Variants in KLC1 observed in about 807,000 individuals in gnomAD.
KLC1 encodes the protein kinesin 2 60/70kDa.
In KLC1, 30 loss-of-function variants were observed where a neutral mutation model predicts 84.2. The observed-to-expected ratio is 0.36, with a 90% CI of 0.27 to 0.48. KLC1 has a LOEUF of 0.48. KLC1 is among the 20% of genes least tolerant of loss of function. The probability of loss-of-function intolerance (pLI) is 0.99; values close to 1 mark genes in which losing one functional copy is unlikely to be tolerated. For missense variants in KLC1, 499 were observed against 805.4 expected (o/e 0.62, Z 4.60); for synonymous variants, 289 against 293.3 (o/e 0.99, Z 0.15).
chr14:103,637,176 T>A (rs905014531), intron 1 of KLC1, among the ~76,000 whole-genome samples: 2 of 152,162 alleles, frequency 1.3e-5, no homozygotes. Flanking sequence ...TATTTTTTGG[T>A]AGTGCCTTTT....
chr14:103,648,968 C>A lies in KLC1; in HGVS notation c.-1-5596C>A, dbSNP rs1008418073. On this transcript the variant is annotated intron_variant, in intron 1 of 16. Transcript: ENST00000334553. ...CCTGGGCAACATGGCGAAACTGTGT[C>A]TCTACTAAAAATACAAAAGTTAGCT... Among the ~76,000 whole-genome samples the A allele has an allele frequency of 2.6e-5, 4 of 152,008 alleles. No individual in the cohort carries two copies. In the South Asian group the frequency reaches 6.2e-4, roughly 24 times the overall value.
At chr14:103,657,000 A>G (rs565440818) in intron 2 of KLC1, among the ~76,000 whole-genome samples, 2 of 152,240 alleles carry the variant, frequency 1.3e-5, no homozygotes, top group East Asian at 1.9e-4. Context: ...CCTGGATTTT[A>G]TGACATAAAC....
At position 103,694,604 on chromosome 14, in the gene KLC1, C is replaced by A; in HGVS notation, c.1848+2179C>A. Reference sequence around the variant, plus strand: ...CATACAAAACAGACGCCGAGGTGATCAGTGATTCCAAAGGCTGACGCTCAG... The same window carrying A: ...CATACAAAACAGACGCCGAGGTGATAAGTGATTCCAAAGGCTGACGCTCAG... On this transcript the variant is annotated intron_variant, in intron 15 of 16. Coordinates refer to ENST00000334553, the MANE Select transcript of KLC1 (RefSeq NM_001394837.1). This position sits in a 1 kb window ranked among gnomAD's most constrained non-coding sequence, Gnocchi z 4.5. 2 of 985,472 alleles carry A rather than the reference C, an allele frequency of 2.0e-6. No individual in the cohort carries two copies. The highest frequency in any genetic ancestry group is 2.4e-6 in the Non-Finnish European group (2 of 829,946). 61.0% of individuals were successfully genotyped at this position (985,472 alleles called of 1,614,324 possible).
intron 15 of KLC1, chr14:103,695,457 G>A (rs1274339699): frequency 2.5e-5 from 25 of 984,488 alleles, no homozygotes; most frequent in South Asian, 1.4e-4. Context: ...GACAGGTGCC[G>A]TGGCTGCCCC....
At chr14:103,638,375 T>C (rs551260227) in intron 1 of KLC1, among the ~76,000 whole-genome samples, 18 of 152,206 alleles carry the variant, frequency 1.2e-4, no homozygotes, top group Non-Finnish European at 2.6e-4. Context: ...CTTTTTCTCT[T>C]TTAGAAAATT....
chr14:103,659,979 C>CTA (rs1014105498), intron 3 of KLC1, among the ~76,000 whole-genome samples: 6 of 152,136 alleles, frequency 3.9e-5, no homozygotes, highest in African/African-American at 1.4e-4. Context: ...GGCACTAATC[C>CTA]CATCATGAGG....
At chr14:103,642,389 C>G (rs781011001) in intron 1 of KLC1, among the ~76,000 whole-genome samples, 2 of 152,132 alleles carry the variant, frequency 1.3e-5, no homozygotes, top group African/African-American at 4.8e-5. Flanking sequence ...TTGCAATAAC[C>G]TTGATAGTTT....
At chr14:103,664,055 T>C (rs1197941803) in intron 5 of KLC1, among the ~76,000 whole-genome samples, 1 of 152,198 alleles carries the variant, frequency 6.6e-6, no homozygotes, top group Non-Finnish European at 1.5e-5. Flanking sequence ...TGTCAGCAGC[T>C]TGGTCTGCCC....
chr14:103,636,815 C>T (rs988883577), intron 1 of KLC1, among the ~76,000 whole-genome samples: 22 of 152,138 alleles, frequency 1.4e-4, no homozygotes, highest in African/African-American at 5.1e-4. Context: ...CTCTGCCTCC[C>T]GGGTTCACGC....
chr14:103,633,026 C>T (rs560932847), intron 1 of KLC1, among the ~76,000 whole-genome samples: 12 of 151,276 alleles, frequency 7.9e-5, no homozygotes, highest in African/African-American at 2.4e-4. Flanking sequence ...TAGAAGTCTG[C>T]TTTCATTCTG....
Position 103,658,763 on chromosome 14 carries a change from T to G in KLC1, c.492+987T>G, listed in dbSNP as rs2079034837. On this transcript the variant is annotated intron_variant, in intron 3 of 16. Transcript: ENST00000334553. ...ACCTCCACCTCCCGGGCTCCAGCGA[T>G]TCTCCTGCCTCAGCCTCCCGAGTAG... Among the ~76,000 whole-genome samples the G allele has an allele frequency of 2.0e-5, 3 of 149,918 alleles. No homozygotes were observed. The Admixed American group carries it at 2.0e-4, about 10-fold the overall frequency.
intron 1 of KLC1, among the ~76,000 whole-genome samples, chr14:103,649,982 A>T (rs916465770): frequency 6.6e-6 from 1 of 152,182 alleles, no homozygotes; most frequent in African/African-American, 2.4e-5. Flanking sequence ...GGCGTGAGCC[A>T]CCGTGCCCGG....
At chr14:103,631,140 G>A (rs912311946) in intron 1 of KLC1, among the ~76,000 whole-genome samples, 1 of 151,838 alleles carries the variant, frequency 6.6e-6, no homozygotes, top group East Asian at 1.9e-4. Flanking sequence ...GAGTGTAGTG[G>A]CGCGATCTCG....
intron 5 of KLC1, among the ~76,000 whole-genome samples, chr14:103,663,264 T>A (rs1171120225): frequency 6.6e-6 from 1 of 151,944 alleles, no homozygotes; most frequent in Admixed American, 6.6e-5. Context: ...GTATTTTTAG[T>A]AAAGACGGGG....
Position 103,657,717 on chromosome 14 carries a change from A to G in KLC1, c.433A>G (p.Lys145Glu). Residue 145 changes from lysine to glutamate, a missense_variant, in exon 3 of 17, where the codon AAG (lysine) becomes GAG (glutamate). Around this residue, in one of 3 missense-constraint regions of KLC1, gnomAD observed 179 missense variants for 264.2 expected, o/e 0.68. Coordinates refer to ENST00000334553, the MANE Select transcript of KLC1 (RefSeq NM_001394837.1). ...GTCTGTGGCTCAACTGGAGGAGGAG[A>G]AGAAGCATCTGGAGTTTATGAATCA... ...EQSVAQLEEE[K>E]KHLEFMNQLK... The G allele has an allele frequency of 3.7e-6, 6 of 1,614,176 alleles. No homozygotes were observed. The highest frequency in any genetic ancestry group is 5.1e-6 in the Non-Finnish European group (6 of 1,180,030).
intron 1 of KLC1, among the ~76,000 whole-genome samples, chr14:103,645,383 C>T (rs1190294329): frequency 1.3e-5 from 2 of 152,206 alleles, no homozygotes; most frequent in Admixed American, 6.6e-5. Flanking sequence ...TTGGTCATCT[C>T]CCAGGTTCCC....
At chr14:103,674,585 T>C (rs1025830555) in intron 9 of KLC1, among the ~76,000 whole-genome samples, 26 of 151,994 alleles carry the variant, frequency 1.7e-4, no homozygotes, top group African/African-American at 6.3e-4. Flanking sequence ...CGGCTAATTT[T>C]TGTATTTGTA....
chr14:103,665,566 C>T (rs2079703543), intron 5 of KLC1, among the ~76,000 whole-genome samples: 1 of 152,002 alleles, frequency 6.6e-6, no homozygotes, highest in Admixed American at 6.6e-5. Context: ...TCCCAAGTAG[C>T]TGGGATTACA....
chr14:103,678,430 A>G (rs925601104), intron 12 of KLC1, among the ~76,000 whole-genome samples: 6 of 152,206 alleles, frequency 3.9e-5, no homozygotes, highest in African/African-American at 9.6e-5. Flanking sequence ...AGCACCTGCA[A>G]TTCCTGCACG....
Sources: allele counts gnomAD v4.1 joint callset (sites outside exome capture counted in the v4.1 genomes callset), GRCh38; gene constraint gnomAD v4.1.1; regional missense constraint gnomAD v4.1.1; non-coding constraint Gnocchi (gnomAD v3.1); transcripts MANE v1.5; gene names NCBI Gene and HGNC (gene_info 2026-07-23, HGNC 2026-07-21).